Variants in ITSN1 observed in about 807,000 individuals in gnomAD.
ITSN1 encodes intersectin-1.
A neutral mutation model predicts 239.8 loss-of-function variants in ITSN1; 58 were observed. The observed-to-expected ratio is 0.24, with a 90% CI of 0.20 to 0.30. The LOEUF (loss-of-function observed/expected upper bound fraction) is 0.30. Among genes scored for constraint, ITSN1 ranks in the 10% least tolerant of loss-of-function variants. ITSN1 has a pLI of 1.00. For synonymous variants in ITSN1, 780 were observed against 770.8 expected, an observed-to-expected ratio of 1.01 and a Z score of -0.20; for missense variants, 1,558 against 2,103.3, an observed-to-expected ratio of 0.74 and a Z score of 5.07.
chr21:33,821,541 T>C (rs886377783), intron 24 of ITSN1, among the ~76,000 whole-genome samples: 2 of 152,338 alleles, frequency 1.3e-5, no homozygotes, highest in Middle Eastern at 3.4e-3. Flanking sequence ...CTGTGGAATG[T>C]TTCCTGAGAA....
chr21:33,882,184 T>A lies in ITSN1; in HGVS notation c.4342-59T>A. 1 of 1,460,266 alleles carries A rather than the reference T, an allele frequency of 6.8e-7. No individual in the cohort carries two copies. Among genetic ancestry groups the A allele is most frequent in the Non-Finnish European group, 9.5e-7 (1 of 1,055,510 alleles). 90.5% of individuals were successfully genotyped at this position (1,460,266 alleles called of 1,614,324 possible). On this transcript the variant is annotated intron_variant, in intron 34 of 39. Transcript: ENST00000381318. This position sits in a 1 kb window ranked among gnomAD's most constrained non-coding sequence, Gnocchi z 4.5. ...TGGCCTCTGATTCTGATGGAGCCCA[T>A]GCTTTCAGATGCGGAGAAACAAAAA...
chr21:33,873,175 G>C lies in ITSN1; in HGVS notation c.4174-2179G>C, dbSNP rs150407272. On this transcript the variant is annotated intron_variant, in intron 33 of 39. Transcript: ENST00000381318. ...TGGGGTTGTTGCTTGGAATTGATTT[G>C]TGGACTCACAAGACATAGAAAACAG... is the stretch of plus-strand genomic sequence containing the variant. 2.5e-3 allele frequency among the ~76,000 whole-genome samples: 378 copies of C among 152,346 alleles called. 1 individual carries two copies. Among genetic ancestry groups the C allele is most frequent in the Admixed American group, 6.9e-3 (106 of 15,306 alleles).
intron 5 of ITSN1, among the ~76,000 whole-genome samples, chr21:33,742,115 G>A (rs1462936082): frequency 6.8e-6 from 1 of 148,072 alleles, no homozygotes; most frequent in Non-Finnish European, 1.5e-5. Flanking sequence ...GGAGTGCAGT[G>A]GCACCTTCTC....
chr21:33,858,265 G>A (rs1042621847), intron 30 of ITSN1, among the ~76,000 whole-genome samples: 3 of 152,208 alleles, frequency 2.0e-5, no homozygotes, highest in African/African-American at 7.2e-5. Context: ...CCTCTCAGAA[G>A]GCCCTCGGTT....
Position 33,679,294 on chromosome 21 carries a change from C to G in ITSN1, c.-33+36581C>G, listed in dbSNP as rs148549731. ...TTATTCCTATGACATTGTAAACGTT[C>G]TAGTTGATGATGTCTGTGCTTCCAT... On this transcript the variant is annotated intron_variant, in intron 1 of 39. Coordinates refer to ENST00000381318, the MANE Select transcript of ITSN1 (RefSeq NM_003024.3). Among the ~76,000 whole-genome samples the G allele has an allele frequency of 6.5e-3, 988 of 152,266 alleles. 14 individuals are homozygous for G. Among genetic ancestry groups the G allele is most frequent in the Non-Finnish European group, 6.5e-3 (439 of 68,040 alleles).
At chr21:33,711,020 T>C (rs2092400912) in intron 1 of ITSN1, among the ~76,000 whole-genome samples, 1 of 151,730 alleles carries the variant, frequency 6.6e-6, no homozygotes, top group African/African-American at 2.4e-5. Flanking sequence ...CTCGATCTCC[T>C]GACCTCGTGA....
intron 28 of ITSN1, among the ~76,000 whole-genome samples, chr21:33,834,842 A>T (rs1173630519): frequency 2.0e-5 from 3 of 152,118 alleles, no homozygotes; most frequent in African/African-American, 7.2e-5. Flanking sequence ...GGGGGCTATA[A>T]TGTGGTGTTC....
chr21:33,735,181 C>G lies in ITSN1; in HGVS notation c.323C>G (p.Ala108Gly). The G allele has an allele frequency of 6.2e-7, 1 of 1,613,470 alleles. No homozygotes were observed. Among genetic ancestry groups the G allele is most frequent in the South Asian group, 1.1e-5 (1 of 90,844 alleles). Residue 108 changes from alanine (A) to glycine (G), a missense_variant, in exon 5 of 40, where the codon GCT becomes GGT. By Grantham distance (60) the Ala-to-Gly change is moderately conservative. Coordinates refer to ENST00000381318, the MANE Select transcript of ITSN1 (RefSeq NM_003024.3). ...LPPVMKQQPV[A>G]ISSAPAFGMG... ...CCTGTCATGAAACAGCAACCAGTTG[C>G]TATTTCTAGCGCACCAGCATTTGGT...
At chr21:33,677,121 C>T (rs571666466) in intron 1 of ITSN1, among the ~76,000 whole-genome samples, 27 of 151,752 alleles carry the variant, frequency 1.8e-4, no homozygotes, top group African/African-American at 5.8e-4. Flanking sequence ...AAAACCTGCA[C>T]GTTGTGCACA....
chr21:33,708,349 GT>G (rs964291388), intron 1 of ITSN1, among the ~76,000 whole-genome samples: 2 of 150,846 alleles, frequency 1.3e-5, no homozygotes, highest in East Asian at 1.9e-4. Flanking sequence ...CTGTTTTTTT[GT>G]TTTTTTTATT....
At chr21:33,821,984 T>C (rs2073703507) in intron 24 of ITSN1, among the ~76,000 whole-genome samples, 1 of 152,214 alleles carries the variant, frequency 6.6e-6, no homozygotes, top group Non-Finnish European at 1.5e-5. Context: ...TTGATTTCCT[T>C]GTGTGGGAAA....
chr21:33,651,610 A>G (rs963523678), intron 1 of ITSN1, among the ~76,000 whole-genome samples: 4 of 152,260 alleles, frequency 2.6e-5, no homozygotes, highest in Non-Finnish European at 4.4e-5. Flanking sequence ...TAGCTTTATA[A>G]ACAAATTAAT....
chr21:33,770,787 A>G (rs2069103313), intron 11 of ITSN1, among the ~76,000 whole-genome samples: 2 of 132,124 alleles, frequency 1.5e-5, no homozygotes, highest in Non-Finnish European at 3.1e-5. Context: ...TTTTTTTGAG[A>G]CAGAGTCTGC....
At chr21:33,851,423 G>A (rs1368291399) in intron 29 of ITSN1, among the ~76,000 whole-genome samples, 1 of 151,366 alleles carries the variant, frequency 6.6e-6, no homozygotes, top group Non-Finnish European at 1.5e-5. Flanking sequence ...TTTTGAGACA[G>A]AGTCTCGCTC....
intron 18 of ITSN1, among the ~76,000 whole-genome samples, chr21:33,798,424 A>G (rs897793274): frequency 6.6e-6 from 1 of 152,072 alleles, no homozygotes; most frequent in African/African-American, 2.4e-5. Flanking sequence ...TTTTTAAAAA[A>G]GGGATAAATG....
chr21:33,746,623 C>A (rs996644885), intron 5 of ITSN1, among the ~76,000 whole-genome samples: 1 of 152,118 alleles, frequency 6.6e-6, no homozygotes, highest in Non-Finnish European at 1.5e-5. Flanking sequence ...TGTGGATCAC[C>A]TGAGGTAGAG....
intron 1 of ITSN1, among the ~76,000 whole-genome samples, chr21:33,708,943 C>G (rs547004878): frequency 6.6e-6 from 1 of 152,168 alleles, no homozygotes; most frequent in Non-Finnish European, 1.5e-5. Context: ...GTCTTTACAA[C>G]TTTGCCAAAA....
intron 6 of ITSN1, among the ~76,000 whole-genome samples, chr21:33,751,451 T>TA (rs1398982366): frequency 1.3e-5 from 2 of 152,246 alleles, no homozygotes; most frequent in African/African-American, 2.4e-5. Flanking sequence ...CTGGAACTAA[T>TA]ACTTCAGCTC....
chr21:33,820,115 T>C (rs1251658692), intron 24 of ITSN1, among the ~76,000 whole-genome samples: 1 of 151,808 alleles, frequency 6.6e-6, no homozygotes, highest in Non-Finnish European at 1.5e-5. Context: ...ATGAAAACAA[T>C]CAAACCAGAC....
Sources: allele counts gnomAD v4.1 joint callset (sites outside exome capture counted in the v4.1 genomes callset), GRCh38; gene constraint gnomAD v4.1.1; non-coding constraint Gnocchi (gnomAD v3.1); transcripts MANE v1.5; gene names NCBI Gene and HGNC (gene_info 2026-07-23, HGNC 2026-07-21).